Variants in DGCR2 observed in about 807,000 individuals in gnomAD.
The protein encoded by DGCR2 is integral membrane protein DGCR2/IDD.
In DGCR2, 24 loss-of-function variants were observed where a neutral mutation model predicts 51.6. The observed-to-expected ratio is 0.47, with a 90% confidence interval of 0.34 to 0.65. The LOEUF is 0.65. DGCR2 is among the 30% of genes least tolerant of loss of function. The pLI is 0.01. For synonymous variants in DGCR2, 340 were observed against 315.4 expected, an observed-to-expected ratio of 1.08 and a Z score of -0.82; for missense variants, 765 against 772.1, an observed-to-expected ratio of 0.99 and a Z score of 0.11.
chr22:19,056,420 C>T, intron 6 of DGCR2: 1 of 497,658 alleles, frequency 2.0e-6, no homozygotes, highest in South Asian at 2.3e-5. Context: ...CCAACCTGCG[C>T]ACAGCTGCCA....
intron 2 of DGCR2, among the ~76,000 whole-genome samples, chr22:19,080,363 A>G (rs958863844): frequency 1.3e-5 from 2 of 152,242 alleles, no homozygotes; most frequent in African/African-American, 2.4e-5. Flanking sequence ...CTAACCCAAT[A>G]TATTCAAAAT....
chr22:19,102,650 C>G (rs553050502), intron 1 of DGCR2, among the ~76,000 whole-genome samples: 18 of 151,126 alleles, frequency 1.2e-4, no homozygotes, highest in African/African-American at 4.1e-4. Context: ...TGCAGTGAGC[C>G]AAGACTGCAC....
rs1409982373 is a variant in DGCR2, at chr22:19,057,722, C to G, written c.626-560G>C. ...AGGAAGCACTGGCTCCCGGGGACCTCTCTCAGCTCAAGGGAAACTGTCACC... is the reference window on the plus strand; with the variant it reads ...AGGAAGCACTGGCTCCCGGGGACCTGTCTCAGCTCAAGGGAAACTGTCACC... On this transcript the variant is annotated intron_variant, in intron 5 of 9. Coordinates refer to ENST00000263196, the MANE Select transcript of DGCR2 (RefSeq NM_005137.3). This position sits in a 1 kb window ranked among gnomAD's most constrained non-coding sequence, Gnocchi z 5.1. Among the ~76,000 whole-genome samples the G allele has an allele frequency of 6.6e-6, 1 of 151,690 alleles. No individual in the cohort carries two copies. The highest frequency in any genetic ancestry group is 1.5e-5 in the Non-Finnish European group (1 of 67,956).
intron 5 of DGCR2, among the ~76,000 whole-genome samples, chr22:19,062,875 C>G (rs1555903956): frequency 6.7e-6 from 1 of 149,584 alleles, no homozygotes; most frequent in Non-Finnish European, 1.5e-5. Context: ...GCTTGTCCTC[C>G]CCTCCAGCCT....
rs544671216 is a variant in DGCR2 at position 19,097,924 on chromosome 22, G to A, written c.80-8434C>T. Among the ~76,000 whole-genome samples the A allele has an allele frequency of 2.0e-5, 3 of 152,246 alleles. No homozygotes were observed. The South Asian group carries it at 6.2e-4, about 32-fold the overall frequency. The stretch of plus-strand genomic sequence containing the variant: ...AGACCAGAAGGGCTGAGAAAGGGGA[G>A]CAACACCCTTCACAGTCCCATGACC... On this transcript the variant is annotated intron_variant, in intron 1 of 9. Transcript: ENST00000263196.
intron 1 of DGCR2, among the ~76,000 whole-genome samples, chr22:19,104,514 C>A (rs1185597077): frequency 6.6e-6 from 1 of 152,226 alleles, no homozygotes; most frequent in Non-Finnish European, 1.5e-5. Flanking sequence ...AGCAGAAGCA[C>A]ACATGTCCAC....
intron 6 of DGCR2, among the ~76,000 whole-genome samples, 198 bp downstream of exon 6, chr22:19,056,788 C>T (rs1033803156): frequency 6.6e-6 from 1 of 152,142 alleles, no homozygotes; most frequent in South Asian, 2.1e-4. Context: ...AAGATGCTTC[C>T]GTGGGCTCTA....
At chr22:19,082,053 G>A (rs1483001718) in intron 2 of DGCR2, among the ~76,000 whole-genome samples, 1 of 129,996 alleles carries the variant, frequency 7.7e-6, no homozygotes, top group Non-Finnish European at 1.7e-5. Context: ...GTGTTTTTTG[G>A]GGTTTTTTTT....
chr22:19,064,721 AG>A, intron 4 of DGCR2, 126 bp downstream of exon 4: 1 of 860,038 alleles, frequency 1.2e-6, no homozygotes, highest in South Asian at 1.6e-5. Context: ...CCAGTGGGCG[AG>A]GCTGGTCTTC....
chr22:19,077,960 C>T (rs557258204), intron 2 of DGCR2, among the ~76,000 whole-genome samples: 1 of 152,200 alleles, frequency 6.6e-6, no homozygotes, highest in South Asian at 2.1e-4. Context: ...TCCTGAGTAG[C>T]TGGGACTACA....
intron 6 of DGCR2, among the ~76,000 whole-genome samples, chr22:19,053,773 G>C (rs1439941273): frequency 3.3e-5 from 5 of 152,114 alleles, no homozygotes; most frequent in Non-Finnish European, 5.9e-5. Context: ...AAATAACTAC[G>C]ATTAATTTGT....
chr22:19,113,801 G>A (rs973245356), intron 1 of DGCR2, among the ~76,000 whole-genome samples: 5 of 152,184 alleles, frequency 3.3e-5, no homozygotes, highest in African/African-American at 1.2e-4. Context: ...GCTCATGCCT[G>A]TAATCTCAGC....
chr22:19,074,803 C>A (rs1363577003), intron 2 of DGCR2, among the ~76,000 whole-genome samples: 2 of 152,114 alleles, frequency 1.3e-5, no homozygotes, highest in African/African-American at 4.8e-5. Flanking sequence ...GGATGCCCCG[C>A]CCCACCTTTT....
chr22:19,091,216 G>A (rs574962019), intron 1 of DGCR2, among the ~76,000 whole-genome samples: 19 of 152,182 alleles, frequency 1.2e-4, no homozygotes, highest in South Asian at 4.2e-4. Flanking sequence ...AAAATTAGCC[G>A]GGTATTGGGA....
Position 19,057,074 on chromosome 22 carries a change from G to A in DGCR2, c.714C>T (p.Cys238=). The change falls in exon 6 of 10, where the codon TGC becomes TGT. Residue 238 remains cysteine (C), a synonymous_variant. Transcript: ENST00000263196. The surrounding 1 kb of genome is among the most constrained non-coding windows in gnomAD (Gnocchi z 5.1). The part of the protein sequence containing the change: ...NDNVFCAQLQ[C]FHFPTLRHHD... Reference sequence around the variant, plus strand: ...GGTGCCGCAGGGTGGGGAAATGGAAGCACTGAAGCTGGGCACAGAACACGT... The same window carrying A: ...GGTGCCGCAGGGTGGGGAAATGGAAACACTGAAGCTGGGCACAGAACACGT... 6.2e-7 allele frequency: 1 copy of A among 1,603,554 alleles called. No homozygotes were observed.
intron 1 of DGCR2, among the ~76,000 whole-genome samples, chr22:19,119,547 C>T (rs2083408889): frequency 6.6e-6 from 1 of 152,074 alleles, no homozygotes; most frequent in South Asian, 2.1e-4. Context: ...ACCAGCCCGG[C>T]CAACATGGCA....
chr22:19,059,239 C>T (rs924959157), intron 5 of DGCR2, among the ~76,000 whole-genome samples: 1 of 152,078 alleles, frequency 6.6e-6, no homozygotes, highest in Non-Finnish European at 1.5e-5. Flanking sequence ...GTGTGAGGAG[C>T]GGTGGGGCTG....
Position 19,098,507 on chromosome 22 carries a change from A to C in DGCR2, c.80-9017T>G, listed in dbSNP as rs372555796. On this transcript the variant is annotated intron_variant, in intron 1 of 9. Coordinates refer to ENST00000263196, the MANE Select transcript of DGCR2 (RefSeq NM_005137.3). Reference sequence around the variant, plus strand: ...GTCCAATAAAGCTTTAGCGAAAAACAAAAAAAAACAGTGGCCAGTTGCAGG... The same window carrying C: ...GTCCAATAAAGCTTTAGCGAAAAACCAAAAAAAACAGTGGCCAGTTGCAGG... Among the ~76,000 whole-genome samples the C allele has an allele frequency of 1.6e-3, 244 of 151,456 alleles. 3 individuals are homozygous for C. Among genetic ancestry groups the C allele is most frequent in the African/African-American group, 5.7e-3 (236 of 41,326 alleles).
chr22:19,109,992 C>G (rs2083297546), intron 1 of DGCR2, among the ~76,000 whole-genome samples: 1 of 152,248 alleles, frequency 6.6e-6, no homozygotes, highest in Non-Finnish European at 1.5e-5. Context: ...CCTCCCTTGT[C>G]TAACAGAGTG....
Sources: gnomAD v4.1 joint callset for allele counts (sites outside exome capture counted in the v4.1 genomes callset) on GRCh38, gnomAD v4.1.1 for gene constraint, Gnocchi (gnomAD v3.1) non-coding constraint, MANE v1.5 for transcripts, NCBI Gene and HGNC (gene_info 2026-07-23, HGNC 2026-07-21) for gene names.